CRYBA1: variants seen among roughly 807,000 people sequenced by gnomAD.
CRYBA1 encodes crystallin beta A1, also known as beta-crystallin A3.
In CRYBA1, 25 loss-of-function variants were observed where a neutral mutation model predicts 36.2. The ratio of observed to expected loss-of-function variants is 0.69; its 90% confidence interval spans 0.50 to 0.97. The LOEUF (loss-of-function observed/expected upper bound fraction) is 0.97, where lower values mean the gene tolerates loss of function less well. CRYBA1 is among the 50% of genes least tolerant of loss of function. The probability of loss-of-function intolerance (pLI) is 0.00; values close to 1 mark genes in which losing one functional copy is unlikely to be tolerated. For synonymous variants in CRYBA1, 111 were observed against 90.0 expected, an observed-to-expected ratio of 1.23 and a Z score of -1.32; for missense variants, 224 against 276.3, an observed-to-expected ratio of 0.81 and a Z score of 1.34.
intron 2 of CRYBA1, among the ~76,000 whole-genome samples, chr17:29,249,896 T>C (rs999520943): frequency 8.3e-6 from 1 of 120,464 alleles, no homozygotes; most frequent in Non-Finnish European, 1.8e-5. Flanking sequence ...TGGGAGCCCA[T>C]AAGTCCTTGG....
intron 3 of CRYBA1, among the ~76,000 whole-genome samples, chr17:29,251,327 C>A (rs1041159004): frequency 6.6e-6 from 1 of 152,008 alleles, no homozygotes; most frequent in Admixed American, 6.6e-5. Context: ...CTAACAACAA[C>A]AAAAACAACT....
Position 29,246,872 on chromosome 17 carries a change from C to T in CRYBA1, c.9C>T (p.Thr3=), listed in dbSNP as rs752753329. The T allele has an allele frequency of 1.2e-6, 2 of 1,612,406 alleles. No individual in the cohort carries two copies. The highest frequency in any genetic ancestry group is 2.7e-5 in the African/African-American group (2 of 74,866). The change falls in exon 1 of 6, where the codon ACC becomes ACT. Residue 3 remains threonine, a synonymous_variant. Transcript: ENST00000225387. Reference sequence around the variant, plus strand: ...AGAGCAAGTGGTACCAGATGGAGACCCAGGCTGAGCAGCAGGAGCTGGGTG... The same window carrying T: ...AGAGCAAGTGGTACCAGATGGAGACTCAGGCTGAGCAGCAGGAGCTGGGTG... The part of the protein sequence containing the change: ME[T]QAEQQELETL...
At chr17:29,250,329 C>A (rs1567670815) in intron 3 of CRYBA1, 29 bp downstream of exon 3, 2 of 1,287,688 alleles carry the variant, frequency 1.6e-6, no homozygotes, top group Non-Finnish European at 2.3e-6. Flanking sequence ...AGAACCGCAG[C>A]CCCTTATTTC....
intron 1 of CRYBA1, 118 bp from the exon 2 acceptor site, chr17:29,249,024 C>G (rs2068918667): frequency 1.3e-6 from 1 of 760,490 alleles, no homozygotes; most frequent in Non-Finnish European, 2.4e-6. Flanking sequence ...GCAGCAGAGC[C>G]AGAATTTCAA....
chr17:29,254,178 T>C lies in CRYBA1; in HGVS notation c.501-24T>C, dbSNP rs751915030. The C allele has an allele frequency of 5.8e-5, 93 of 1,613,440 alleles. No homozygotes were observed. In the Admixed American group the frequency reaches 1.4e-3, roughly 25 times the overall value. On this transcript the variant is annotated intron_variant, in intron 5 of 5. Coordinates refer to ENST00000225387, the MANE Select transcript of CRYBA1 (RefSeq NM_005208.5). ...CCAGATTCCTAATTAGTTTTAATAATGAAATGTACTTTGAATTTCCTAGCT... is the reference window on the plus strand; with the variant it reads ...CCAGATTCCTAATTAGTTTTAATAACGAAATGTACTTTGAATTTCCTAGCT...
At chr17:29,247,253 G>A (rs898097595) in intron 1 of CRYBA1, among the ~76,000 whole-genome samples, 2 of 152,196 alleles carry the variant, frequency 1.3e-5, no homozygotes, top group Non-Finnish European at 2.9e-5. Flanking sequence ...GCCAGGAGGA[G>A]GGCCATGAAT....
rs552314432 is a variant in CRYBA1, at chr17:29,249,311, C to A, written c.96+105C>A. On this transcript the variant is annotated intron_variant, in intron 2 of 5. Coordinates refer to ENST00000225387, the MANE Select transcript of CRYBA1 (RefSeq NM_005208.5). ...AAGGCAGTGACTGACCAGAAAAACC[C>A]CAGTTTGTAGGGGAAAGGTCCACAC... The A allele has an allele frequency of 9.0e-5, 72 of 799,384 alleles. 1 individual carries two copies. The South Asian group carries it at 1.0e-3, about 11-fold the overall frequency. The allele number at this position is 799,384 out of a possible 1,614,324, so 49.5% of individuals were successfully genotyped here. A position where few individuals can be genotyped will look rare whatever the true frequency, so the allele number is the denominator to read the frequency against.
chr17:29,249,005 A>G (rs1567670366), intron 1 of CRYBA1, 137 bp from the exon 2 acceptor site: 1 of 711,356 alleles, frequency 1.4e-6, no homozygotes, highest in East Asian at 2.6e-5. Context: ...CCCGAGGCAC[A>G]GCTAGTGAGC....
intron 1 of CRYBA1, among the ~76,000 whole-genome samples, chr17:29,248,336 C>T (rs1410843593): frequency 6.6e-6 from 1 of 151,124 alleles, no homozygotes; most frequent in East Asian, 2.0e-4. Flanking sequence ...AGTGCTTTAC[C>T]TGCATTATTG....
In CRYBA1 at chr17:29,250,175, A is replaced by G. The variant is rs1278473670; in HGVS notation, c.97-7A>G. The stretch of plus-strand genomic sequence containing the variant: ...TAGCTCTCTTGCGCCATTCAATCTC[A>G]TTTCAGATAACCATCTATGATCAGG... On this transcript the variant is annotated splice_polypyrimidine_tract_variant and splice_region_variant and intron_variant, in intron 2 of 5. Coordinates refer to ENST00000225387, the MANE Select transcript of CRYBA1 (RefSeq NM_005208.5). 1.3e-6 allele frequency: 2 copies of G among 1,494,004 alleles called. No homozygotes were observed. Among genetic ancestry groups the G allele is most frequent in the African/African-American group, 1.4e-5 (1 of 72,694 alleles). The allele number at this position is 1,494,004 out of a possible 1,614,324, so 92.5% of individuals were successfully genotyped here.
intron 4 of CRYBA1, among the ~76,000 whole-genome samples, 168 bp from the exon 5 acceptor site, chr17:29,253,472 A>C (rs1021621123): frequency 6.6e-6 from 1 of 152,248 alleles, no homozygotes; most frequent in African/African-American, 2.4e-5. Context: ...TTAAATTGGA[A>C]TAAACAAAAT....
chr17:29,248,518 T>C (rs906307973), intron 1 of CRYBA1, among the ~76,000 whole-genome samples: 13 of 151,328 alleles, frequency 8.6e-5, no homozygotes, highest in South Asian at 2.1e-4. Context: ...GCGTGTGCCA[T>C]CATACCCGGC....
intron 1 of CRYBA1, 98 bp downstream of exon 1, chr17:29,246,992 CT>C (rs1911465952): frequency 1.5e-6 from 2 of 1,339,426 alleles, no homozygotes; most frequent in South Asian, 2.5e-5. Context: ...TGTGTAGAGC[CT>C]TCTAGGGTGG....
At chr17:29,253,818 G>GT in intron 5 of CRYBA1, 36 bp downstream of exon 5, 2 of 1,612,266 alleles carry the variant, frequency 1.2e-6, no homozygotes, top group Non-Finnish European at 1.7e-6. Context: ...ATACTTCAAA[G>GT]TAACTCCTGA....
Position 29,251,984 on chromosome 17 carries a change from TA to T in CRYBA1, c.216-79del, listed in dbSNP as rs2068938086. ...TTGATATTTTACCCCACTATTGACT[TA>T]TCTAAAACGAAAGATGCCTTCTCCC... is the stretch of plus-strand genomic sequence containing the variant. On this transcript the variant is annotated intron_variant, in intron 3 of 5. Transcript: ENST00000225387. The T allele has an allele frequency of 6.4e-5, 101 of 1,589,410 alleles. 2 individuals are homozygous for T. The South Asian group carries it at 1.1e-3, about 17-fold the overall frequency.
intron 3 of CRYBA1, among the ~76,000 whole-genome samples, chr17:29,251,783 AAT>A (rs1331749792): frequency 6.6e-6 from 1 of 152,182 alleles, no homozygotes; most frequent in African/African-American, 2.4e-5. Context: ...CCAGCCAGGA[AAT>A]ATAATTTTAG....
rs778588523 is a variant in CRYBA1 at position 29,254,235 on chromosome 17, G to C, written c.534G>C (p.Gly178=). Residue 178 remains glycine (G), a synonymous_variant, in exon 6 of 6, where the codon GGG becomes GGC. Transcript: ENST00000225387. ...GCTACCAATATCCTGGATATCGTGGGTATCAGTATATCTTGGAATGTGACC... is the reference window on the plus strand; with the variant it reads ...GCTACCAATATCCTGGATATCGTGGCTATCAGTATATCTTGGAATGTGACC... The part of the protein sequence containing the change: ...WVCYQYPGYR[G]YQYILECDHH... 1.2e-6 allele frequency: 2 copies of C among 1,613,958 alleles called. No homozygotes were observed. Among genetic ancestry groups the C allele is most frequent in the African/African-American group, 1.3e-5 (1 of 74,888 alleles).
chr17:29,251,995 A>T, intron 3 of CRYBA1, 69 bp from the exon 4 acceptor site: 3 of 1,608,362 alleles, frequency 1.9e-6, no homozygotes, highest in South Asian at 2.2e-5. Flanking sequence ...ATCTAAAACG[A>T]AAGATGCCTT....
chr17:29,252,755 G>A (rs2068943778), intron 4 of CRYBA1, among the ~76,000 whole-genome samples: 2 of 152,176 alleles, frequency 1.3e-5, no homozygotes, highest in Admixed American at 1.3e-4. Context: ...ACCTTAAGGG[G>A]TGTGTTGAAA....
Sources: allele counts gnomAD v4.1 joint callset (sites outside exome capture counted in the v4.1 genomes callset), GRCh38; gene constraint gnomAD v4.1.1; transcripts MANE v1.5; gene names NCBI Gene and HGNC (gene_info 2026-07-23, HGNC 2026-07-21).